The following PRR16 variants were observed in gnomAD, a reference collection of about 807,000 sequenced individuals.
The protein encoded by PRR16 is proline rich 16.
Under a neutral mutation model 18.2 loss-of-function variants are expected in PRR16, and 6 were observed. The observed-to-expected ratio is 0.33, with a 90% confidence interval of 0.18 to 0.65. PRR16 has a LOEUF of 0.65. Among genes scored for constraint, PRR16 ranks in the 30% least tolerant of loss-of-function variants. The pLI is 0.74. For synonymous variants in PRR16, 151 were observed against 147.8 expected (o/e 1.02, Z -0.16); for missense variants, 412 against 376.6 (o/e 1.09, Z -0.78).
chr5:120,663,508 CTACTT>C (rs1756249638), intron 1 of PRR16, among the ~76,000 whole-genome samples: 1 of 152,154 alleles, frequency 6.6e-6, no homozygotes. Flanking sequence ...TGCACACCGT[CTACTT>C]TAATTATTTG....
intron 1 of PRR16, among the ~76,000 whole-genome samples, chr5:120,469,627 G>A (rs75667976): frequency 0.063 from 9,572 of 152,128 alleles, 393 homozygotes; most frequent in African/African-American, 0.12. Context: ...ACCATGTCTG[G>A]CTTGAAGTAT....
intron 1 of PRR16, among the ~76,000 whole-genome samples, chr5:120,641,500 T>C (rs1415267408): frequency 1.3e-5 from 2 of 152,084 alleles, no homozygotes; most frequent in East Asian, 1.9e-4. Context: ...CCTTCTACAA[T>C]GAAGGAAAAC....
the PRR16 span, among the ~76,000 whole-genome samples, chr5:120,752,292 C>T: frequency 2.0e-5 from 3 of 152,056 alleles, no homozygotes; most frequent in Non-Finnish European, 2.9e-5. Context: ...TAATTCCAGA[C>T]GAGACCTTGG....
chr5:120,499,799 C>T (rs1191959512), intron 1 of PRR16, among the ~76,000 whole-genome samples: 21 of 150,516 alleles, frequency 1.4e-4, no homozygotes, highest in Admixed American at 1.4e-3. Flanking sequence ...TGGGATCTTC[C>T]TGGTTCTTGG....
the PRR16 span, among the ~76,000 whole-genome samples, chr5:120,752,068 TTAATTA>T: frequency 6.6e-6 from 1 of 152,058 alleles, no homozygotes; most frequent in African/African-American, 2.4e-5. Context: ...TAAATTAATA[TTAATTA>T]TATTACATTG....
At chr5:120,508,666 C>G (rs1393818608) in intron 1 of PRR16, among the ~76,000 whole-genome samples, 2 of 152,054 alleles carry the variant, frequency 1.3e-5, no homozygotes, top group African/African-American at 4.8e-5. Context: ...TAAATTGTGT[C>G]TTTAATTAAC....
the PRR16 span, among the ~76,000 whole-genome samples, chr5:120,778,569 A>AGT: frequency 6.6e-6 from 1 of 152,182 alleles, no homozygotes; most frequent in Non-Finnish European, 1.5e-5. Context: ...TCCCAAGTCC[A>AGT]ATAGCTTCAG....
At chr5:120,524,095 G>A (rs996118368) in intron 1 of PRR16, among the ~76,000 whole-genome samples, 2 of 152,094 alleles carry the variant, frequency 1.3e-5, no homozygotes, top group Non-Finnish European at 2.9e-5. Flanking sequence ...GTACAGATGA[G>A]GAAACTAAGA....
At chr5:120,692,457 C>A in the PRR16 span, among the ~76,000 whole-genome samples, 1 of 152,168 alleles carries the variant, frequency 6.6e-6, no homozygotes, top group African/African-American at 2.4e-5. Context: ...ACTGGAGAAT[C>A]TTACTGGCGC....
chr5:120,516,668 G>T (rs1751007711), intron 1 of PRR16, among the ~76,000 whole-genome samples: 1 of 152,020 alleles, frequency 6.6e-6, no homozygotes, highest in South Asian at 2.1e-4. Flanking sequence ...GTTATGTCAG[G>T]CTCTAATCAA....
chr5:120,613,515 A>T (rs887581991), intron 1 of PRR16, among the ~76,000 whole-genome samples: 3 of 152,072 alleles, frequency 2.0e-5, no homozygotes, highest in African/African-American at 7.2e-5. Context: ...ACTTATATGT[A>T]GGCTTCCATT....
At chr5:120,532,003 CT>C (rs1223868311) in intron 1 of PRR16, among the ~76,000 whole-genome samples, 1 of 151,992 alleles carries the variant, frequency 6.6e-6, no homozygotes, top group African/African-American at 2.4e-5. Flanking sequence ...TAGAAATTCC[CT>C]TTTTGGTTAT....
chr5:120,621,288 C>T (rs182819101), intron 1 of PRR16, among the ~76,000 whole-genome samples: 210 of 152,132 alleles, frequency 1.4e-3, no homozygotes, highest in Non-Finnish European at 2.4e-3. Context: ...AAAACTTTTG[C>T]CACTTGCCAT....
chr5:120,649,049 C>T (rs1020524787), intron 1 of PRR16, among the ~76,000 whole-genome samples: 2 of 151,932 alleles, frequency 1.3e-5, no homozygotes, highest in African/African-American at 2.4e-5. Flanking sequence ...TTTTAATAAT[C>T]GTTTAACAAT....
chr5:120,530,542 C>T (rs888048435), intron 1 of PRR16, among the ~76,000 whole-genome samples: 1 of 151,376 alleles, frequency 6.6e-6, no homozygotes, highest in Middle Eastern at 3.4e-3. Flanking sequence ...TCATTGTTTT[C>T]CTTTAAATAC....
At chr5:120,545,288 T>C (rs970648188) in intron 1 of PRR16, among the ~76,000 whole-genome samples, 3 of 152,172 alleles carry the variant, frequency 2.0e-5, no homozygotes, top group African/African-American at 7.2e-5. Flanking sequence ...ATAATAATTA[T>C]ACGTGACATT....
intron 1 of PRR16, among the ~76,000 whole-genome samples, chr5:120,512,607 A>G (rs1750863930): frequency 6.6e-6 from 1 of 152,214 alleles, no homozygotes; most frequent in East Asian, 1.9e-4. Context: ...GAATGTTCGT[A>G]AAGATCTAAG....
intron 1 of PRR16, among the ~76,000 whole-genome samples, chr5:120,599,589 C>G (rs1001599915): frequency 8.6e-5 from 13 of 151,848 alleles, no homozygotes; most frequent in Admixed American, 2.6e-4. Context: ...TCTAAAACAT[C>G]TTTACTTGGA....
Position 120,674,645 on chromosome 5 carries a change from C to T in PRR16, c.160-11309C>T, listed in dbSNP as rs573215091. Among the ~76,000 whole-genome samples, 13 of 152,118 alleles carry T rather than the reference C, an allele frequency of 8.5e-5. No individual in the cohort carries two copies. In the South Asian group the frequency reaches 2.7e-3, roughly 32 times the overall value. The stretch of plus-strand genomic sequence containing the variant: ...TCATCAGCACTCAGTTGGCCCTTTA[C>T]ATTTGAAGCTGCATTTGTGTTGTCA... On this transcript the variant is annotated intron_variant, in intron 1 of 1. Transcript: ENST00000407149.
Sources: gnomAD v4.1 joint callset for allele counts (sites outside exome capture counted in the v4.1 genomes callset) on GRCh38, gnomAD v4.1.1 for gene constraint, MANE v1.5 for transcripts, NCBI Gene and HGNC (gene_info 2026-07-23, HGNC 2026-07-21) for gene names.